The following KALRN variants were observed in gnomAD, a reference collection of about 807,000 sequenced individuals.
KALRN encodes kalirin.
KALRN carries 70 observed loss-of-function variants against 353.7 expected under a neutral mutation model. The observed-to-expected ratio is 0.20, with a 90% CI of 0.16 to 0.24. KALRN has a LOEUF of 0.24. Ranked by LOEUF, KALRN falls within the 10% of genes least tolerant of loss-of-function variation. KALRN has a pLI of 1.00. For missense variants in KALRN, 2,791 were observed against 3,756.7 expected (o/e 0.74, Z 6.72); for synonymous variants, 1,391 against 1,434.8 (o/e 0.97, Z 0.69).
chr3:124,135,486 CA>C (rs1301268621), intron 1 of KALRN, among the ~76,000 whole-genome samples: 1 of 152,092 alleles, frequency 6.6e-6, no homozygotes, highest in Non-Finnish European at 1.5e-5. Context: ...AGAACTTACA[CA>C]TGTAACCAAA....
chr3:124,362,522 C>T (rs2084167243), intron 10 of KALRN, among the ~76,000 whole-genome samples: 1 of 152,270 alleles, frequency 6.6e-6, no homozygotes, highest in Non-Finnish European at 1.5e-5. Flanking sequence ...GCCCAAGGTA[C>T]TGCCCTTTGG....
chr3:124,359,743 C>T (rs1002980505), intron 10 of KALRN, among the ~76,000 whole-genome samples: 2 of 152,130 alleles, frequency 1.3e-5, no homozygotes, highest in African/African-American at 4.8e-5. Flanking sequence ...CCATAAATGG[C>T]GGTCTCTGTG....
chr3:124,345,914 A>T (rs2082210722), intron 9 of KALRN, among the ~76,000 whole-genome samples: 1 of 152,212 alleles, frequency 6.6e-6, no homozygotes, highest in Admixed American at 6.5e-5. Context: ...TGTTTGCTGC[A>T]GGGCAATCCG....
chr3:124,117,562 A>C (rs2063569312), intron 1 of KALRN, among the ~76,000 whole-genome samples: 1 of 152,134 alleles, frequency 6.6e-6, no homozygotes, highest in African/African-American at 2.4e-5. Flanking sequence ...TATAGGTGCT[A>C]AAATAATGCA....
intron 17 of KALRN, among the ~76,000 whole-genome samples, chr3:124,436,281 C>G (rs924194551): frequency 6.6e-6 from 1 of 152,180 alleles, no homozygotes; most frequent in Non-Finnish European, 1.5e-5. Context: ...CCGAAGGTTA[C>G]TTTACCCCTC....
intron 3 of KALRN, among the ~76,000 whole-genome samples, chr3:124,259,775 T>G (rs918860870): frequency 6.6e-6 from 1 of 152,178 alleles, no homozygotes; most frequent in Non-Finnish European, 1.5e-5. Context: ...AAACATATTA[T>G]CCAGATGGTA....
intron 33 of KALRN, among the ~76,000 whole-genome samples, chr3:124,542,787 G>A (rs1033975775): frequency 2.0e-5 from 3 of 152,140 alleles, no homozygotes; most frequent in East Asian, 1.9e-4. Context: ...CCAGAGTAAC[G>A]CTCACTCAAT....
chr3:124,429,000 CT>C (rs1325287467), intron 15 of KALRN, among the ~76,000 whole-genome samples: 1 of 152,172 alleles, frequency 6.6e-6, no homozygotes, highest in African/African-American at 2.4e-5. Context: ...ACACTGTGAG[CT>C]CCATTTCCCA....
chr3:124,462,022 C>T, intron 24 of KALRN, 66 bp downstream of exon 24: 1 of 1,222,558 alleles, frequency 8.2e-7, no homozygotes, highest in Non-Finnish European at 1.2e-6. Context: ...GCATCAAGTC[C>T]TCAATTGGAA....
intron 39 of KALRN, among the ~76,000 whole-genome samples, chr3:124,656,061 T>C (rs982956739): frequency 2.6e-5 from 4 of 152,200 alleles, no homozygotes; most frequent in Non-Finnish European, 5.9e-5. Flanking sequence ...TTAGGGCTTA[T>C]ACATTTCCAT....
intron 1 of KALRN, chr3:124,164,003 T>C (rs1378533699): frequency 4.1e-6 from 4 of 984,826 alleles, no homozygotes; most frequent in African/African-American, 3.5e-5. Flanking sequence ...AAGCATTGTG[T>C]TTTGGATTTA....
chr3:124,545,275 T>C (rs1356825392), intron 33 of KALRN, among the ~76,000 whole-genome samples: 1 of 152,224 alleles, frequency 6.6e-6, no homozygotes, highest in African/African-American at 2.4e-5. Context: ...CTCTAAATAT[T>C]GAGGTCTCTT....
chr3:124,111,222 C>T (rs566198731), intron 1 of KALRN, among the ~76,000 whole-genome samples: 1 of 152,300 alleles, frequency 6.6e-6, no homozygotes, highest in East Asian at 1.9e-4. Flanking sequence ...TCCTGATAGT[C>T]CCAAGATGGC....
intron 10 of KALRN, among the ~76,000 whole-genome samples, chr3:124,353,816 G>A (rs1268542768): frequency 5.9e-5 from 9 of 152,174 alleles, no homozygotes; most frequent in Admixed American, 5.9e-4. Flanking sequence ...ATGTCATGAA[G>A]TGGGCAAGTG....
At chr3:124,681,584 GC>G (rs2087773267) in intron 51 of KALRN, among the ~76,000 whole-genome samples, 1 of 150,378 alleles carries the variant, frequency 6.6e-6, no homozygotes, top group African/African-American at 2.4e-5. Context: ...TGTGGATGTA[GC>G]CCTTATATAT....
chr3:124,661,038 G>A, intron 44 of KALRN, 65 bp downstream of exon 44: 1 of 1,263,250 alleles, frequency 7.9e-7, no homozygotes. Flanking sequence ...TCTCTAGAGG[G>A]GAAAAGATTG....
chr3:124,526,493 TA>T (rs1016491897), intron 33 of KALRN, among the ~76,000 whole-genome samples: 35 of 152,202 alleles, frequency 2.3e-4, no homozygotes, highest in Admixed American at 1.6e-3. Flanking sequence ...GAGGATCACT[TA>T]AGCCCAGGAG....
chr3:124,129,885 G>A (rs375717439), intron 1 of KALRN, among the ~76,000 whole-genome samples: 2 of 152,242 alleles, frequency 1.3e-5, no homozygotes, highest in Admixed American at 6.5e-5. Context: ...AAAGAAGGCA[G>A]ATGACAACAT....
At chr3:124,310,789 T>G (rs2078172120) in intron 6 of KALRN, among the ~76,000 whole-genome samples, 1 of 152,084 alleles carries the variant, frequency 6.6e-6, no homozygotes, top group African/African-American at 2.4e-5. Flanking sequence ...ACAAAAAATT[T>G]TGTGCATCAA....
Sources: allele counts gnomAD v4.1 joint callset (sites outside exome capture counted in the v4.1 genomes callset), GRCh38; gene constraint gnomAD v4.1.1; transcripts MANE v1.5; gene names NCBI Gene and HGNC (gene_info 2026-07-23, HGNC 2026-07-21).